CTNNA3: variants seen among roughly 807,000 people sequenced by gnomAD.
CTNNA3 encodes the protein catenin alpha-3.
In CTNNA3, 76 loss-of-function variants were observed where a neutral mutation model predicts 95.7. That is an observed-to-expected ratio of 0.79 (90% CI 0.66 to 0.96). CTNNA3 has a LOEUF of 0.96. Ranked by LOEUF, CTNNA3 falls within the 40% of genes least tolerant of loss-of-function variation. The pLI is 0.00. For missense variants in CTNNA3, 1,191 were observed against 1,089.8 expected (o/e 1.09, Z -1.31); for synonymous variants, 431 against 374.4 (o/e 1.15, Z -1.74).
chr10:67,722,331 C>T (rs1387931907), intron 1 of CTNNA3, among the ~76,000 whole-genome samples: 1 of 152,094 alleles, frequency 6.6e-6, no homozygotes, highest in Non-Finnish European at 1.5e-5. Flanking sequence ...TAGTACTAGG[C>T]CAGCTCTAGT....
intron 13 of CTNNA3, among the ~76,000 whole-genome samples, chr10:66,254,874 T>C (rs1199955795): frequency 1.3e-5 from 2 of 152,186 alleles, no homozygotes; most frequent in Non-Finnish European, 2.9e-5. Context: ...TCTTTTCCAT[T>C]TTTGAATTAC....
intron 17 of CTNNA3, among the ~76,000 whole-genome samples, chr10:65,923,283 T>C (rs1211923829): frequency 5.3e-5 from 8 of 152,244 alleles, no homozygotes; most frequent in Non-Finnish European, 1.2e-4. Flanking sequence ...TTTTAACTTA[T>C]AGGTGCCATT....
At chr10:67,449,446 T>C (rs1303604754) in intron 5 of CTNNA3, among the ~76,000 whole-genome samples, 2 of 152,040 alleles carry the variant, frequency 1.3e-5, no homozygotes, top group Non-Finnish European at 2.9e-5. Context: ...TACAGGGCTA[T>C]AGTAACAAAA....
chr10:66,930,057 T>C (rs994678430), intron 7 of CTNNA3, among the ~76,000 whole-genome samples: 1 of 142,830 alleles, frequency 7.0e-6, no homozygotes, highest in Non-Finnish European at 1.5e-5. Flanking sequence ...TTTTTACTAA[T>C]TTTTTTTTAT....
At chr10:66,135,938 G>A (rs1304543352) in intron 13 of CTNNA3, among the ~76,000 whole-genome samples, 2 of 144,514 alleles carry the variant, frequency 1.4e-5, no homozygotes, top group African/African-American at 5.2e-5. Flanking sequence ...GTCTTGCTCT[G>A]TCGCGCAGGC....
chr10:66,888,917 C>T (rs534622448), intron 7 of CTNNA3, among the ~76,000 whole-genome samples: 5 of 152,266 alleles, frequency 3.3e-5, no homozygotes, highest in Admixed American at 6.5e-5. Flanking sequence ...AACCTACACA[C>T]GGATGTGTAT....
intron 13 of CTNNA3, among the ~76,000 whole-genome samples, chr10:66,227,336 G>T (rs565271739): frequency 1.3e-5 from 2 of 149,174 alleles, no homozygotes; most frequent in Admixed American, 6.7e-5. Context: ...GGCCTTTACT[G>T]TGTTGAGGTA....
intron 5 of CTNNA3, among the ~76,000 whole-genome samples, chr10:67,293,434 A>G (rs1839912109): frequency 6.6e-6 from 1 of 152,342 alleles, no homozygotes; most frequent in East Asian, 1.9e-4. Flanking sequence ...ATTTCTAAGT[A>G]GTTCAAAGTA....
At chr10:66,860,591 A>G (rs371286201) in intron 7 of CTNNA3, among the ~76,000 whole-genome samples, 8 of 152,150 alleles carry the variant, frequency 5.3e-5, no homozygotes, top group African/African-American at 1.2e-4. Context: ...GTGTTTTCTA[A>G]GCAATGTTTC....
At chr10:67,730,917 G>GA (rs935735413) in intron 1 of CTNNA3, among the ~76,000 whole-genome samples, 9 of 151,900 alleles carry the variant, frequency 5.9e-5, no homozygotes, top group Non-Finnish European at 1.0e-4. Context: ...GCTTGGCTGT[G>GA]AAAAATACAT....
chr10:66,874,798 A>C (rs1844552009), intron 7 of CTNNA3, among the ~76,000 whole-genome samples: 1 of 152,188 alleles, frequency 6.6e-6, no homozygotes, highest in Admixed American at 6.5e-5. Context: ...CAAAAATTAC[A>C]CATTTCTTTA....
chr10:67,630,764 T>C (rs1839119310), intron 2 of CTNNA3, among the ~76,000 whole-genome samples: 2 of 152,304 alleles, frequency 1.3e-5, no homozygotes, highest in African/African-American at 4.8e-5. Flanking sequence ...AAACATGGGA[T>C]ATATTTACAG....
At chr10:67,630,759 T>C (rs1429891087) in intron 2 of CTNNA3, among the ~76,000 whole-genome samples, 1 of 152,200 alleles carries the variant, frequency 6.6e-6, no homozygotes, top group Non-Finnish European at 1.5e-5. Context: ...CTTGAAAACA[T>C]GGGATATATT....
At chr10:67,525,636 C>G (rs868641514) in intron 4 of CTNNA3, among the ~76,000 whole-genome samples, 1 of 151,938 alleles carries the variant, frequency 6.6e-6, no homozygotes, top group Non-Finnish European at 1.5e-5. Context: ...GAGAAAGACA[C>G]GAAGAAATAG....
intron 10 of CTNNA3, among the ~76,000 whole-genome samples, chr10:66,574,006 T>C (rs1842938952): frequency 1.3e-5 from 2 of 152,132 alleles, no homozygotes. Flanking sequence ...GAAAGTGTGT[T>C]GAGGTTACCA....
rs565919430 is a variant in CTNNA3 at position 66,194,619 on chromosome 10, C to A, written c.1884+85851G>T. On this transcript the variant is annotated intron_variant, in intron 13 of 17. Transcript: ENST00000433211. ...ATAAATAAAAACTAAACAAACTTAC[C>A]ATTGAGTGAAATTTACACATTACAA... 7.9e-5 allele frequency among the ~76,000 whole-genome samples: 12 copies of A among 152,100 alleles called. 1 individual carries two copies. In the South Asian group the frequency reaches 2.5e-3, roughly 32 times the overall value.
At chr10:66,897,127 CT>C (rs1193242831) in intron 7 of CTNNA3, among the ~76,000 whole-genome samples, 2 of 151,970 alleles carry the variant, frequency 1.3e-5, no homozygotes, top group Non-Finnish European at 2.9e-5. Flanking sequence ...CTTAAAATGT[CT>C]GCTTTGTGTG....
intron 11 of CTNNA3, among the ~76,000 whole-genome samples, chr10:66,503,744 G>A (rs1840355864): frequency 6.6e-6 from 1 of 152,118 alleles, no homozygotes; most frequent in Non-Finnish European, 1.5e-5. Flanking sequence ...TAGGATTACA[G>A]GAGTGAGCCA....
intron 7 of CTNNA3, among the ~76,000 whole-genome samples, chr10:66,855,030 A>G (rs934281133): frequency 6.6e-6 from 1 of 151,978 alleles, no homozygotes; most frequent in African/African-American, 2.4e-5. Context: ...CTGGCACATT[A>G]TAGATGTCTA....
Sources: gnomAD v4.1 joint callset for allele counts (sites outside exome capture counted in the v4.1 genomes callset) on GRCh38, gnomAD v4.1.1 for gene constraint, MANE v1.5 for transcripts, NCBI Gene and HGNC (gene_info 2026-07-23, HGNC 2026-07-21) for gene names.